GPCPD1: variants seen among roughly 807,000 people sequenced by gnomAD.
GPCPD1 encodes the protein glycerophosphocholine phosphodiesterase 1.
GPCPD1 carries 29 observed loss-of-function variants against 89.2 expected under a neutral mutation model. The observed-to-expected ratio is 0.33, with a 90% CI of 0.24 to 0.44. The LOEUF is 0.44. GPCPD1 is among the 20% of genes least tolerant of loss of function. The probability of loss-of-function intolerance (pLI) is 1.00; values close to 1 mark genes in which losing one functional copy is unlikely to be tolerated. For synonymous variants in GPCPD1, 258 were observed against 266.3 expected (o/e 0.97, Z 0.30); for missense variants, 594 against 808.9 (o/e 0.73, Z 3.22).
chr20:5,571,853 G>C (rs1005130077), intron 11 of GPCPD1, among the ~76,000 whole-genome samples: 1 of 151,186 alleles, frequency 6.6e-6, no homozygotes, highest in African/African-American at 2.4e-5. Flanking sequence ...AGGTTGCAGT[G>C]AACCAAGATC....
intron 1 of GPCPD1, among the ~76,000 whole-genome samples, chr20:5,607,729 A>G (rs1419473857): frequency 6.6e-6 from 1 of 152,054 alleles, no homozygotes. Flanking sequence ...GAGGCATGAG[A>G]ATCACTTGAA....
At chr20:5,578,090 C>G (rs1192658654) in intron 8 of GPCPD1, among the ~76,000 whole-genome samples, 2 of 152,180 alleles carry the variant, frequency 1.3e-5, no homozygotes, top group Non-Finnish European at 2.9e-5. Context: ...CTCTATTTAC[C>G]ACTGATGTTT....
chr20:5,560,735 T>C (rs1041138284), intron 16 of GPCPD1, among the ~76,000 whole-genome samples: 6 of 152,186 alleles, frequency 3.9e-5, no homozygotes, highest in Non-Finnish European at 7.3e-5. Flanking sequence ...CAATTACAGA[T>C]TATTCTGACC....
chr20:5,609,170 G>A (rs747875857), intron 1 of GPCPD1, among the ~76,000 whole-genome samples: 40 of 152,090 alleles, frequency 2.6e-4, no homozygotes, highest in Non-Finnish European at 5.3e-4. Flanking sequence ...GTCTTCCTTC[G>A]AATTTTTTCA....
At chr20:5,555,592 C>A (rs1985716969) in intron 19 of GPCPD1, among the ~76,000 whole-genome samples, 1 of 152,004 alleles carries the variant, frequency 6.6e-6, no homozygotes, top group South Asian at 2.1e-4. Flanking sequence ...CGCGGTGGCT[C>A]ACACCTGTAA....
intron 4 of GPCPD1, among the ~76,000 whole-genome samples, chr20:5,591,822 T>C (rs1461804928): frequency 6.6e-6 from 1 of 152,168 alleles, no homozygotes; most frequent in Non-Finnish European, 1.5e-5. Context: ...CTCGATTCCA[T>C]GAAAAACATA....
At chr20:5,559,510 G>GA (rs1328250929) in intron 17 of GPCPD1, among the ~76,000 whole-genome samples, 5 of 152,210 alleles carry the variant, frequency 3.3e-5, no homozygotes, top group African/African-American at 1.2e-4. Flanking sequence ...GCTTGTGCCC[G>GA]AGAGGTCAGG....
intron 4 of GPCPD1, among the ~76,000 whole-genome samples, chr20:5,592,698 CA>C (rs1979414788): frequency 6.6e-6 from 1 of 152,154 alleles, no homozygotes; most frequent in Non-Finnish European, 1.5e-5. Flanking sequence ...ATCCTTTCAG[CA>C]AATAAGTATC....
At chr20:5,603,614 G>A (rs1190876100) in intron 2 of GPCPD1, among the ~76,000 whole-genome samples, 3 of 152,084 alleles carry the variant, frequency 2.0e-5, no homozygotes, top group Non-Finnish European at 2.9e-5. Flanking sequence ...GGTGTGATAC[G>A]GCTTTGACAT....
At chr20:5,596,483 C>A (rs548237060) in intron 3 of GPCPD1, among the ~76,000 whole-genome samples, 3 of 152,306 alleles carry the variant, frequency 2.0e-5, no homozygotes, top group Admixed American at 2.0e-4. Context: ...GACGGGTAGT[C>A]ATATGGTGGT....
chr20:5,551,719 C>T (rs1486736429), intron 19 of GPCPD1, among the ~76,000 whole-genome samples: 2 of 151,932 alleles, frequency 1.3e-5, no homozygotes, highest in Non-Finnish European at 2.9e-5. Flanking sequence ...TGCAGTGAGC[C>T]GAGACAGTGC....
At chr20:5,568,078 G>A (rs954171242) in intron 12 of GPCPD1, among the ~76,000 whole-genome samples, 1 of 151,936 alleles carries the variant, frequency 6.6e-6, no homozygotes, top group African/African-American at 2.4e-5. Context: ...TAATACTTAA[G>A]CACTCTGAGC....
At chr20:5,601,439 G>A (rs1568679766) in intron 2 of GPCPD1, among the ~76,000 whole-genome samples, 1 of 137,518 alleles carries the variant, frequency 7.3e-6, no homozygotes, top group Non-Finnish European at 1.5e-5. Flanking sequence ...CGCAATCTCA[G>A]CTCACTGCAA....
intron 19 of GPCPD1, among the ~76,000 whole-genome samples, chr20:5,556,697 T>C (rs906401739): frequency 3.9e-5 from 6 of 152,174 alleles, no homozygotes; most frequent in Non-Finnish European, 7.3e-5. Context: ...ACTCTCAGAT[T>C]AGTGGCTGCC....
chr20:5,548,885 A>G (rs1251706014), intron 19 of GPCPD1: 2 of 1,026,914 alleles, frequency 1.9e-6, no homozygotes, highest in East Asian at 3.4e-5. Flanking sequence ...CCCTGTGAAG[A>G]GGAGAAAACA....
chr20:5,554,475 G>A (rs551092174), intron 19 of GPCPD1, among the ~76,000 whole-genome samples: 7 of 152,288 alleles, frequency 4.6e-5, no homozygotes, highest in African/African-American at 1.7e-4. Context: ...TCTGGAAATT[G>A]TAGGGCCCTT....
At chr20:5,570,327 A>G (rs1986639716) in intron 11 of GPCPD1, 88 bp from the exon 12 acceptor site, 1 of 625,242 alleles carries the variant, frequency 1.6e-6, no homozygotes, top group Admixed American at 3.0e-5. Context: ...TTTGTTCACT[A>G]TAAAATTACA....
At chr20:5,577,564 AAT>A (rs1475270057) in intron 8 of GPCPD1, among the ~76,000 whole-genome samples, 1 of 152,152 alleles carries the variant, frequency 6.6e-6, no homozygotes, top group East Asian at 1.9e-4. Flanking sequence ...ATACTTTTAT[AAT>A]AGAGTCCCAC....
chr20:5,588,708 C>T (rs1979107484), intron 4 of GPCPD1, among the ~76,000 whole-genome samples: 1 of 151,964 alleles, frequency 6.6e-6, no homozygotes. Context: ...GCCTGTAATC[C>T]TAGGTACTTG....
Sources: allele counts gnomAD v4.1 joint callset (sites outside exome capture counted in the v4.1 genomes callset), GRCh38; gene constraint gnomAD v4.1.1; transcripts MANE v1.5; gene names NCBI Gene and HGNC (gene_info 2026-07-23, HGNC 2026-07-21).